Variants in OR2F1 observed in about 807,000 individuals in gnomAD.
OR2F1 encodes the protein olfactory receptor family 2 subfamily F member 1, also known as olfactory receptor 2F1.
For synonymous variants in OR2F1, 146 were observed against 155.3 expected (o/e 0.94, Z 0.44); for missense variants, 389 against 378.2 (o/e 1.03, Z -0.24).
In OR2F1 at chr7:143,960,148, T is replaced by C. The variant is rs1276097754; in HGVS notation, c.178T>C (p.Tyr60His). 1.2e-6 allele frequency: 2 copies of C among 1,614,186 alleles called. No homozygotes were observed. Among genetic ancestry groups the C allele is most frequent in the Non-Finnish European group, 1.7e-6 (2 of 1,180,038 alleles). The stretch of plus-strand genomic sequence containing the variant: ...GGACAGCCGACTCCACACTCCCATG[T>C]ATTTCTTTCTCACCAACCTCTCCCT... ...RLDSRLHTPM[Y>H]FFLTNLSLVD... is the part of the protein sequence containing the mutation. The change falls in exon 3 of 3, where the codon TAT becomes CAT. Residue 60 changes from tyrosine to histidine, a missense_variant. Tyr to His is a moderately conservative substitution (Grantham distance 83). Transcript: ENST00000641412.
Position 143,960,979 on chromosome 7 carries a change from G to A in OR2F1, c.*55G>A. 7.3e-7 allele frequency: 1 copy of A among 1,378,230 alleles called. No individual in the cohort carries two copies. Among genetic ancestry groups the A allele is most frequent in the Non-Finnish European group, 1.0e-6 (1 of 993,934 alleles). The allele number at this position is 1,378,230 out of a possible 1,614,324, so 85.4% of individuals were successfully genotyped here. On this transcript the variant is annotated 3_prime_UTR_variant, in exon 3 of 3. Transcript: ENST00000641412. ...TTGCCTCAGTGTTCTCCACCCAGCT[G>A]AGATCTGACAGGTGTAAACTACATT...
intron 1 of OR2F1, among the ~76,000 whole-genome samples, chr7:143,956,509 A>T (rs981105068): frequency 6.6e-6 from 1 of 152,200 alleles, no homozygotes; most frequent in African/African-American, 2.4e-5. Flanking sequence ...ATATTTAAGT[A>T]TTAGCAGCCT....
Position 143,960,637 on chromosome 7 carries a change from T to C in OR2F1, c.667T>C (p.Ser223Pro). Residue 223 changes from serine to proline, a missense_variant, in exon 3 of 3, where the codon TCC becomes CCC. By Grantham distance (74) the Ser-to-Pro change is moderately conservative (BLOSUM62 -1). Transcript: ENST00000641412. ...LVLLSYIQIISTILKIQSREG... is the reference protein window; with the variant it reads ...LVLLSYIQIIPTILKIQSREG... ...TCTTTTGTCCTACATCCAGATCATC[T>C]CCACCATCCTAAAGATCCAGTCCAG... 6.2e-7 allele frequency: 1 copy of C among 1,614,138 alleles called. No individual in the cohort carries two copies. Among genetic ancestry groups the C allele is most frequent in the Non-Finnish European group, 8.5e-7 (1 of 1,180,040 alleles).
At position 143,960,686 on chromosome 7, in the gene OR2F1, A is replaced by G; in HGVS notation, c.716A>G (p.His239Arg). ...QSREGRKKAF[H>R]TCASHLTVVA... Reference sequence around the variant, plus strand: ...AGAGAAGGAAGAAAGAAAGCTTTCCACACGTGTGCCTCTCACCTCACAGTG... The same window carrying G: ...AGAGAAGGAAGAAAGAAAGCTTTCCGCACGTGTGCCTCTCACCTCACAGTG... The change falls in exon 3 of 3, where the codon CAC (histidine) becomes CGC (arginine). Residue 239 changes from histidine to arginine, a missense_variant. By Grantham distance (29) the His-to-Arg change is conservative. Transcript: ENST00000641412. 6.2e-7 allele frequency: 1 copy of G among 1,613,890 alleles called. No individual in the cohort carries two copies. The highest frequency in any genetic ancestry group is 8.5e-7 in the Non-Finnish European group (1 of 1,179,976).
Position 143,961,712 on chromosome 7 carries a change from T to C in OR2F1, c.*788T>C, listed in dbSNP as rs1161748730. On this transcript the variant is annotated 3_prime_UTR_variant, in exon 3 of 3. Coordinates refer to ENST00000641412, the MANE Select transcript of OR2F1 (RefSeq NM_012369.3). Reference sequence around the variant, plus strand: ...ATCAATCTCTGAAAAATCTGTAAGCTCTTTCTCAGAATCTTCAGAAACACA... The same window carrying C: ...ATCAATCTCTGAAAAATCTGTAAGCCCTTTCTCAGAATCTTCAGAAACACA... 1 of 152,170 alleles carries C rather than the reference T, an allele frequency of 6.6e-6. No individual in the cohort carries two copies. Among genetic ancestry groups the C allele is most frequent in the Non-Finnish European group, 1.5e-5 (1 of 68,022 alleles). 9.4% of individuals were successfully genotyped at this position (152,170 alleles called of 1,614,324 possible).
chr7:143,955,691 G>T (rs2050279515), intron 1 of OR2F1, among the ~76,000 whole-genome samples: 1 of 152,016 alleles, frequency 6.6e-6, no homozygotes, highest in South Asian at 2.1e-4. Flanking sequence ...TGAACCACAG[G>T]GTATGCCATT....
Position 143,959,960 on chromosome 7 carries a change from T to G in OR2F1, c.-11T>G, listed in dbSNP as rs1465185749. The G allele has an allele frequency of 3.8e-6, 6 of 1,570,674 alleles. No individual in the cohort carries two copies. In the Admixed American group the frequency reaches 1.1e-4, roughly 28 times the overall value. Reference sequence around the variant, plus strand: ...ACTCCCTTCACAGATTAATAATCCTTGAATATTTTAATGGGAACAGATAAC... The same window carrying G: ...ACTCCCTTCACAGATTAATAATCCTGGAATATTTTAATGGGAACAGATAAC... On this transcript the variant is annotated 5_prime_UTR_variant, in exon 3 of 3. Transcript: ENST00000641412.
rs183408901 is a variant in OR2F1, at chr7:143,963,302, A to T, written c.*2378A>T. 1 of 152,312 alleles carries T rather than the reference A, an allele frequency of 6.6e-6. No homozygotes were observed. The highest frequency in any genetic ancestry group is 1.9e-4 in the East Asian group (1 of 5,178). 9.4% of individuals were successfully genotyped at this position (152,312 alleles called of 1,614,324 possible). ...GTCACGGTGTTCGTGACATTTCTCCATCAACCATCACACAATCCTTTGCCT... is the reference window on the plus strand; with the variant it reads ...GTCACGGTGTTCGTGACATTTCTCCTTCAACCATCACACAATCCTTTGCCT... On this transcript the variant is annotated 3_prime_UTR_variant, in exon 3 of 3. Transcript: ENST00000641412.
Position 143,961,992 on chromosome 7 carries a change from G to C in OR2F1, c.*1068G>C, listed in dbSNP as rs553657646. ...TGAATTTTTGTAAATCTTGTAACCT[G>C]GGCTTGTCTGAGAATGGACTTCCCT... On this transcript the variant is annotated 3_prime_UTR_variant, in exon 3 of 3. Transcript: ENST00000641412. 2.6e-5 allele frequency: 4 copies of C among 152,260 alleles called. No individual in the cohort carries two copies. Among genetic ancestry groups the C allele is most frequent in the African/African-American group, 9.6e-5 (4 of 41,558 alleles). 9.4% of individuals were successfully genotyped at this position (152,260 alleles called of 1,614,324 possible). A position where few individuals can be genotyped will look rare whatever the true frequency, so the allele number is the denominator to read the frequency against.
At chr7:143,957,449 A>G (rs2050293390) in intron 1 of OR2F1, among the ~76,000 whole-genome samples, 2 of 152,210 alleles carry the variant, frequency 1.3e-5, no homozygotes, top group Admixed American at 6.5e-5. Flanking sequence ...AAGATTAGTG[A>G]GGGTAGAAAT....
rs772328131 is a variant in OR2F1 at position 143,959,924 on chromosome 7, GT to G, written c.-23-17del. On this transcript the variant is annotated intron_variant, in intron 2 of 2. Coordinates refer to ENST00000641412, the MANE Select transcript of OR2F1 (RefSeq NM_012369.3). ...TTCTTATAGTTATTCAACAGCTTCT[GT>G]TTTTTTCTGACTCCCTTCACAGATT... The G allele has an allele frequency of 4.9e-6, 7 of 1,430,444 alleles. 1 individual carries two copies. The Admixed American group carries it at 8.2e-5, about 17-fold the overall frequency. 88.6% of individuals were successfully genotyped at this position (1,430,444 alleles called of 1,614,324 possible). A position where few individuals can be genotyped will look rare whatever the true frequency, so the allele number is the denominator to read the frequency against.
chr7:143,960,977 C>A lies in OR2F1; in HGVS notation c.*53C>A. The A allele has an allele frequency of 7.2e-7, 1 of 1,391,990 alleles. No homozygotes were observed. The highest frequency in any genetic ancestry group is 9.9e-7 in the Non-Finnish European group (1 of 1,006,092). The allele number at this position is 1,391,990 out of a possible 1,614,324, so 86.2% of individuals were successfully genotyped here. On this transcript the variant is annotated 3_prime_UTR_variant, in exon 3 of 3. Coordinates refer to ENST00000641412, the MANE Select transcript of OR2F1 (RefSeq NM_012369.3). ...CTTTGCCTCAGTGTTCTCCACCCAG[C>A]TGAGATCTGACAGGTGTAAACTACA... is the stretch of plus-strand genomic sequence containing the variant.
At position 143,964,149 on chromosome 7, in the gene OR2F1, A is replaced by G. The variant is rs2050352025; in HGVS notation, c.*3225A>G. On this transcript the variant is annotated 3_prime_UTR_variant, in exon 3 of 3. Transcript: ENST00000641412. The stretch of plus-strand genomic sequence containing the variant: ...TTAAGACTACACACACTTCTAATTC[A>G]TAGCTGCTTGTGAAGGACATTCCCA... The G allele has an allele frequency of 1.3e-5, 2 of 152,170 alleles. No homozygotes were observed. The highest frequency in any genetic ancestry group is 2.9e-5 in the Non-Finnish European group (2 of 68,036). The allele number at this position is 152,170 out of a possible 1,614,324, so 9.4% of individuals were successfully genotyped here. A position where few individuals can be genotyped will look rare whatever the true frequency, so the allele number is the denominator to read the frequency against.
At position 143,960,778 on chromosome 7, in the gene OR2F1, CAGG is replaced by C. The variant is rs1448957902; in HGVS notation, c.811_813del (p.Glu271del). 2 of 1,614,050 alleles carry C rather than the reference CAGG, an allele frequency of 1.2e-6. No homozygotes were observed. Among genetic ancestry groups the C allele is most frequent in the African/African-American group, 2.7e-5 (2 of 74,934 alleles). On this transcript the variant is annotated inframe_deletion, in exon 3 of 3. Transcript: ENST00000641412. ...GCCCCACTCCAGTCCCTCTGTCCTTCAGGAGAAGTTGTTCTCTGTCTTTTATGC... is the reference window on the plus strand; with the variant it reads ...GCCCCACTCCAGTCCCTCTGTCCTTCAGAAGTTGTTCTCTGTCTTTTATGC...
Position 143,961,130 on chromosome 7 carries a change from C to T in OR2F1, c.*206C>T, listed in dbSNP as rs1586838926. The T allele has an allele frequency of 3.8e-6, 2 of 526,118 alleles. No homozygotes were observed. Among genetic ancestry groups the T allele is most frequent in the Non-Finnish European group, 6.9e-6 (2 of 291,412 alleles). The allele number at this position is 526,118 out of a possible 1,614,324, so 32.6% of individuals were successfully genotyped here. A position where few individuals can be genotyped will look rare whatever the true frequency, so the allele number is the denominator to read the frequency against. ...TTATGAACAGTGGAGTTAGATACTG[C>T]TGTTATAAAACCTCCCACACTTCTT... is the stretch of plus-strand genomic sequence containing the variant. On this transcript the variant is annotated 3_prime_UTR_variant, in exon 3 of 3. Coordinates refer to ENST00000641412, the MANE Select transcript of OR2F1 (RefSeq NM_012369.3).
intron 1 of OR2F1, among the ~76,000 whole-genome samples, chr7:143,955,739 T>C (rs1416870212): frequency 6.6e-6 from 1 of 152,164 alleles, no homozygotes; most frequent in Non-Finnish European, 1.5e-5. Flanking sequence ...CGTGAATTGG[T>C]TATTTTCAAT....
chr7:143,960,657 G>C lies in OR2F1; in HGVS notation c.687G>C (p.Gln229His), dbSNP rs751471239. 6.2e-7 allele frequency: 1 copy of C among 1,614,108 alleles called. No individual in the cohort carries two copies. Among genetic ancestry groups the C allele is most frequent in the Admixed American group, 1.7e-5 (1 of 60,016 alleles). The change falls in exon 3 of 3, where the codon CAG (glutamine) becomes CAC (histidine). Residue 229 changes from glutamine (Q) to histidine (H), a missense_variant. Coordinates refer to ENST00000641412, the MANE Select transcript of OR2F1 (RefSeq NM_012369.3). ...IQIISTILKI[Q>H]SREGRKKAFH... ...TCATCTCCACCATCCTAAAGATCCA[G>C]TCCAGAGAAGGAAGAAAGAAAGCTT...
Position 143,960,821 on chromosome 7 carries a change from T to C in OR2F1, c.851T>C (p.Met284Thr), listed in dbSNP as rs746416044. Residue 284 changes from methionine (M) to threonine (T), a missense_variant, in exon 3 of 3, where the codon ATG becomes ACG. Physicochemically the swap from Met to Thr is moderately conservative, Grantham distance 81 (BLOSUM62 -1). Transcript: ENST00000641412. ...FSVFYAILTP[M>T]LNPMIYSLRN... ...GTCTTTTATGCCATTTTAACACCAA[T>C]GCTGAACCCCATGATTTACAGCCTA... 1 of 1,614,136 alleles carries C rather than the reference T, an allele frequency of 6.2e-7. No individual in the cohort carries two copies. The highest frequency in any genetic ancestry group is 1.1e-5 in the South Asian group (1 of 91,080).
At position 143,962,145 on chromosome 7, in the gene OR2F1, CT is replaced by C. The variant is rs1203362783; in HGVS notation, c.*1223del. On this transcript the variant is annotated 3_prime_UTR_variant, in exon 3 of 3. Transcript: ENST00000641412. ...AGTCAGTCTTTTCTTCCTTTTGTGT[CT>C]TCTTTAAGTCAGTTGATTTGCAGTT... 4 of 152,178 alleles carry C rather than the reference CT, an allele frequency of 2.6e-5. No homozygotes were observed. In the East Asian group the frequency reaches 7.7e-4, roughly 29 times the overall value. The allele number at this position is 152,178 out of a possible 1,614,324, so 9.4% of individuals were successfully genotyped here.
Sources: gnomAD v4.1 joint callset for allele counts (sites outside exome capture counted in the v4.1 genomes callset) on GRCh38, gnomAD v4.1.1 for gene constraint, MANE v1.5 for transcripts, NCBI Gene and HGNC (gene_info 2026-07-23, HGNC 2026-07-21) for gene names.